The following KCNC2 variants were observed in gnomAD, a reference collection of about 807,000 sequenced individuals.
The protein encoded by KCNC2 is voltage-gated potassium channel KCNC2.
KCNC2 carries 21 observed loss-of-function variants against 44.5 expected under a neutral mutation model. The ratio of observed to expected loss-of-function variants is 0.47; its 90% CI spans 0.33 to 0.68. The LOEUF (loss-of-function observed/expected upper bound fraction) is 0.68, where lower values mean the gene tolerates loss of function less well. Among genes scored for constraint, KCNC2 ranks in the 30% least tolerant of loss-of-function variants. The pLI is 0.01. For synonymous variants in KCNC2, 391 were observed against 339.1 expected (o/e 1.15, Z -1.68); for missense variants, 589 against 826.2 (o/e 0.71, Z 3.52).
At chr12:75,117,140 A>T (rs1249955594) in intron 2 of KCNC2, among the ~76,000 whole-genome samples, 1 of 152,180 alleles carries the variant, frequency 6.6e-6, no homozygotes, top group African/African-American at 2.4e-5. Flanking sequence ...TAACTTCCAG[A>T]TTTAATTATA....
chr12:75,168,292 G>A (rs1240665504), intron 2 of KCNC2, among the ~76,000 whole-genome samples: 1 of 151,152 alleles, frequency 6.6e-6, no homozygotes, highest in Non-Finnish European at 1.5e-5. Context: ...TAACAATAAG[G>A]AATATTTATT....
At chr12:75,059,427 G>A (rs1450340425) in intron 2 of KCNC2, among the ~76,000 whole-genome samples, 1 of 151,976 alleles carries the variant, frequency 6.6e-6, no homozygotes, top group African/African-American at 2.4e-5. Flanking sequence ...CATGACATGT[G>A]GTCTCTCAAC....
chr12:75,118,202 G>A (rs1173848442), intron 2 of KCNC2, among the ~76,000 whole-genome samples: 1 of 151,926 alleles, frequency 6.6e-6, no homozygotes, highest in African/African-American at 2.4e-5. Flanking sequence ...ACTTAATTAA[G>A]GTCTTTCAGT....
rs528437300 is a variant in KCNC2 at position 75,138,072 on chromosome 12, C to T, written c.687+69225G>A. Reference sequence around the variant, plus strand: ...CTGTGGTCTCACATGGACTGACTCACTGACCTGGACATAAACAGAATCCTG... The same window carrying T: ...CTGTGGTCTCACATGGACTGACTCATTGACCTGGACATAAACAGAATCCTG... On this transcript the variant is annotated intron_variant, in intron 2 of 4. Transcript: ENST00000549446. Among the ~76,000 whole-genome samples, 3 of 152,290 alleles carry T rather than the reference C, an allele frequency of 2.0e-5. No individual in the cohort carries two copies. In the South Asian group the frequency reaches 6.2e-4, roughly 32 times the overall value.
intron 2 of KCNC2, among the ~76,000 whole-genome samples, chr12:75,092,474 G>T (rs186213168): frequency 6.6e-6 from 1 of 151,586 alleles, no homozygotes; most frequent in African/African-American, 2.4e-5. Context: ...AACACTCTCT[G>T]GGGGAATAAA....
intron 2 of KCNC2, among the ~76,000 whole-genome samples, chr12:75,178,198 G>T (rs1892324736): frequency 6.6e-6 from 1 of 151,968 alleles, no homozygotes; most frequent in Admixed American, 6.6e-5. Context: ...GTGAGTCATT[G>T]TCTGACTCAC....
At chr12:75,085,021 C>T (rs1360850782) in intron 2 of KCNC2, among the ~76,000 whole-genome samples, 1 of 76,370 alleles carries the variant, frequency 1.3e-5, no homozygotes, top group African/African-American at 4.3e-5. Context: ...CCCCCAAATG[C>T]CATAGGAATT....
chr12:75,098,765 T>C (rs1162374242), intron 2 of KCNC2, among the ~76,000 whole-genome samples: 1 of 150,812 alleles, frequency 6.6e-6, no homozygotes, highest in East Asian at 1.9e-4. Context: ...CTTAAATAAA[T>C]AAATAAATAA....
chr12:75,193,612 A>C lies in KCNC2; in HGVS notation c.687+13685T>G, dbSNP rs140226338. Among the ~76,000 whole-genome samples, 565 of 152,326 alleles carry C rather than the reference A, an allele frequency of 3.7e-3. 1 individual carries two copies. Among genetic ancestry groups the C allele is most frequent in the African/African-American group, 0.013 (531 of 41,572 alleles). On this transcript the variant is annotated intron_variant, in intron 2 of 4. Coordinates refer to ENST00000549446, the MANE Select transcript of KCNC2 (RefSeq NM_139137.4). ...GTGTGATAAAGAAAAGTGGAGCAAA[A>C]TCTAAGGTACCTTCATATTTCCTCA... is the stretch of plus-strand genomic sequence containing the variant.
chr12:75,078,029 T>C (rs1884156122), intron 2 of KCNC2, among the ~76,000 whole-genome samples: 1 of 152,198 alleles, frequency 6.6e-6, no homozygotes, highest in Non-Finnish European at 1.5e-5. Context: ...TATATTCTTT[T>C]GTCATTTGTT....
At chr12:75,161,348 T>C (rs976333470) in intron 2 of KCNC2, among the ~76,000 whole-genome samples, 2 of 151,700 alleles carry the variant, frequency 1.3e-5, no homozygotes, top group African/African-American at 4.8e-5. Flanking sequence ...CTGATTTTAC[T>C]CATAGCAGCA....
Position 75,113,594 on chromosome 12 carries a change from T to C in KCNC2, c.688-62277A>G, listed in dbSNP as rs375880243. 5.1e-4 allele frequency among the ~76,000 whole-genome samples: 77 copies of C among 152,294 alleles called. No homozygotes were observed. The East Asian group carries it at 0.013, about 26-fold the overall frequency. On this transcript the variant is annotated intron_variant, in intron 2 of 4. Transcript: ENST00000549446. ...TGCCCATTCTGCAATCCAGCCTCCATACCAACACCTCCAAATGTCATACCC... is the reference window on the plus strand; with the variant it reads ...TGCCCATTCTGCAATCCAGCCTCCACACCAACACCTCCAAATGTCATACCC...
In KCNC2 at chr12:75,051,146, C is replaced by T. The variant is rs1238546063; in HGVS notation, c.859G>A (p.Gly287Arg). Residue 287 changes from glycine (G) to arginine (R), a missense_variant, in exon 3 of 5, where the codon GGA (glycine) becomes AGA (arginine). Physicochemically the swap from Gly to Arg is moderately radical, Grantham distance 125. Coordinates refer to ENST00000549446, the MANE Select transcript of KCNC2 (RefSeq NM_139137.4). ...ETDPALTYVE[G>R]VCVVWFTFEF... ...AAAGTAAACCACACCACACACACTC[C>T]TTCTACATACGTCAAGGCAGGATCC... is the stretch of plus-strand genomic sequence containing the variant. The T allele has an allele frequency of 3.7e-6, 6 of 1,613,702 alleles. No homozygotes were observed. Among genetic ancestry groups the T allele is most frequent in the Non-Finnish European group, 5.1e-6 (6 of 1,179,846 alleles).
chr12:75,171,644 A>C (rs939745895), intron 2 of KCNC2, among the ~76,000 whole-genome samples: 1 of 151,838 alleles, frequency 6.6e-6, no homozygotes, highest in Admixed American at 6.6e-5. Flanking sequence ...GGAGGAATGA[A>C]GAAAGCTTGG....
At chr12:75,156,066 T>C (rs764058013) in intron 2 of KCNC2, among the ~76,000 whole-genome samples, 7 of 151,792 alleles carry the variant, frequency 4.6e-5, no homozygotes, top group Non-Finnish European at 5.9e-5. Flanking sequence ...GGAGAGAAAG[T>C]TGTCTATTTC....
Position 75,042,592 on chromosome 12 carries a change from T to C in KCNC2, c.*513A>G. On this transcript the variant is annotated 3_prime_UTR_variant, in exon 5 of 5. Transcript: ENST00000549446. ...CAGGATGGTTCGATGCAAGTACACA[T>C]ATCCTGAGCTATCCACAGTCCCCGA... 1 of 1,341,274 alleles carries C rather than the reference T, an allele frequency of 7.5e-7. No homozygotes were observed. The highest frequency in any genetic ancestry group is 9.6e-7 in the Non-Finnish European group (1 of 1,047,002). 83.1% of individuals were successfully genotyped at this position (1,341,274 alleles called of 1,614,324 possible).
intron 2 of KCNC2, among the ~76,000 whole-genome samples, chr12:75,092,353 T>G (rs930810292): frequency 4.6e-5 from 7 of 151,688 alleles, no homozygotes; most frequent in Non-Finnish European, 8.9e-5. Context: ...TTTAGGATAA[T>G]GGATCTGATT....
intron 2 of KCNC2, chr12:75,140,229 T>C (rs1333835942): frequency 3.3e-5 from 5 of 152,132 alleles, no homozygotes; most frequent in African/African-American, 1.2e-4. Context: ...AGTCACATCA[T>C]GTAAGAATCT....
intron 2 of KCNC2, among the ~76,000 whole-genome samples, chr12:75,109,352 G>A (rs1391171999): frequency 1.3e-5 from 2 of 152,102 alleles, no homozygotes; most frequent in Non-Finnish European, 2.9e-5. Context: ...GCTCACCTCT[G>A]CGCTTGATGG....
Sources: allele counts gnomAD v4.1 joint callset (sites outside exome capture counted in the v4.1 genomes callset), GRCh38; gene constraint gnomAD v4.1.1; transcripts MANE v1.5; gene names NCBI Gene and HGNC (gene_info 2026-07-23, HGNC 2026-07-21).